DDX3X: variants seen among roughly 807,000 people sequenced by gnomAD.
DDX3X encodes ATP-dependent RNA helicase DDX3X.
DDX3X carries 4 observed loss-of-function variants against 52.7 expected under a neutral mutation model. The ratio of observed to expected loss-of-function variants is 0.08; its 90% confidence interval spans 0.04 to 0.17. DDX3X has a LOEUF of 0.17. DDX3X is among the 10% of genes least tolerant of loss of function. DDX3X has a pLI of 1.00. For missense variants in DDX3X, 222 were observed against 548.6 expected, an observed-to-expected ratio of 0.40 and a Z score of 5.95; for synonymous variants, 192 against 178.1, an observed-to-expected ratio of 1.08 and a Z score of -0.62.
At position 41,347,468 on chromosome X, in the gene DDX3X, A is replaced by G; in HGVS notation, c.1909+17A>G. 1.7e-6 allele frequency: 2 copies of G among 1,199,194 alleles called. No homozygotes were observed. The highest frequency in any genetic ancestry group is 2.2e-6 in the Non-Finnish European group (2 of 890,086). ...TTGGTGGAGGTAGTGTTAATCTGTA[A>G]CTTCATAGCTTTGGGAAGGGTTTTT... is the stretch of plus-strand genomic sequence containing the variant. On this transcript the variant is annotated intron_variant, in intron 16 of 16. Transcript: ENST00000644876.
Position 41,343,996 on chromosome X carries a change from G to A in DDX3X, c.766-34G>A, listed in dbSNP as rs767359806. 2.5e-5 allele frequency: 28 copies of A among 1,119,627 alleles called. 1 individual carries two copies. The South Asian group carries it at 4.7e-4, about 19-fold the overall frequency. 92.3% of individuals were successfully genotyped at this position (1,119,627 alleles called of 1,213,427 possible). On this transcript the variant is annotated intron_variant, in intron 8 of 16. Coordinates refer to ENST00000644876, the MANE Select transcript of DDX3X (RefSeq NM_001356.5). Reference sequence around the variant, plus strand: ...GTGATGAACTTTTCAAACAGGGTAGGTAGAGTTAACTTAAAAATTAACTTA... The same window carrying A: ...GTGATGAACTTTTCAAACAGGGTAGATAGAGTTAACTTAAAAATTAACTTA...
At chrX:41,344,420 GTTT>G in intron 10 of DDX3X, 21 bp downstream of exon 10, 1 of 1,203,590 alleles carries the variant, frequency 8.3e-7, no homozygotes, top group East Asian at 3.0e-5. Context: ...TTTTGTTTTT[GTTT>G]TTTTGTTTTG....
chrX:41,345,364 T>C, intron 11 of DDX3X, 40 bp downstream of exon 11: 1 of 1,199,716 alleles, frequency 8.3e-7, no homozygotes, highest in Non-Finnish European at 1.1e-6. Flanking sequence ...TTTAGAAATT[T>C]GTTTATCTCA....
chrX:41,343,392 G>A (rs2063877804), intron 7 of DDX3X, 41 bp downstream of exon 7: 3 of 1,136,468 alleles, frequency 2.6e-6, no homozygotes, highest in Non-Finnish European at 3.5e-6. Flanking sequence ...TATTTCTTCT[G>A]TAAAGGACTA....
chrX:41,342,433 AG>A, intron 4 of DDX3X, 61 bp from the exon 5 acceptor site: 3 of 1,146,256 alleles, frequency 2.6e-6, no homozygotes, highest in Middle Eastern at 2.4e-4. Flanking sequence ...GTTCTAGAGT[AG>A]GGATAAGAAT....
chrX:41,347,519 C>T, intron 16 of DDX3X, 68 bp downstream of exon 16: 1 of 1,175,046 alleles, frequency 8.5e-7, no homozygotes, highest in Non-Finnish European at 1.1e-6. Context: ...TTTTTCAAAG[C>T]CTAATTAAAC....
chrX:41,355,648 T>TTC (rs976605009), intron 5 of DDX3X, among the ~76,000 whole-genome samples: 4 of 101,853 alleles, frequency 3.9e-5, no homozygotes, highest in African/African-American at 1.4e-4. Context: ...TCTTTTTCTT[T>TTC]TTTTTTTTTT....
rs2063950709 is a variant in DDX3X at position 41,348,232 on chromosome X, C to CT, written c.*518dup. On this transcript the variant is annotated 3_prime_UTR_variant, in exon 17 of 17. Transcript: ENST00000644876. ...ACTTATGCGGTAGCCTGCATTAGGG[C>CT]TTTTTGATACTTGCAGATTGGGGGA... 1 of 165,423 alleles carries CT rather than the reference C, an allele frequency of 6.0e-6. No individual in the cohort carries two copies. The highest frequency in any genetic ancestry group is 3.0e-5 in the African/African-American group (1 of 33,071). 13.6% of individuals were successfully genotyped at this position (165,423 alleles called of 1,213,427 possible).
chrX:41,347,488 G>T, intron 16 of DDX3X, 37 bp downstream of exon 16: 1 of 1,194,990 alleles, frequency 8.4e-7, no homozygotes, highest in Non-Finnish European at 1.1e-6. Flanking sequence ...TTTGGGAAGG[G>T]TTTTTTTCCT....
At chrX:41,337,637 G>T in intron 2 of DDX3X, 172 bp downstream of exon 2, 2 of 334,348 alleles carry the variant, frequency 6.0e-6, no homozygotes, top group South Asian at 6.7e-5. Context: ...CTAAAGCATC[G>T]TTGCCTTTTT....
In DDX3X at chrX:41,343,197, C is replaced by T. The variant is rs754913084; in HGVS notation, c.544-19C>T. 8 of 1,199,992 alleles carry T rather than the reference C, an allele frequency of 6.7e-6. No individual in the cohort carries two copies. The Admixed American group carries it at 9.3e-5, about 14-fold the overall frequency. Reference sequence around the variant, plus strand: ...ATAGCTCTAGATAGCATTCCTAACCCCATTGAATTTCTTAACAGTTCAGTG... The same window carrying T: ...ATAGCTCTAGATAGCATTCCTAACCTCATTGAATTTCTTAACAGTTCAGTG... On this transcript the variant is annotated intron_variant, in intron 6 of 16. Coordinates refer to ENST00000644876, the MANE Select transcript of DDX3X (RefSeq NM_001356.5).
chrX:41,363,227 C>A (rs1359310140), intron 5 of DDX3X, among the ~76,000 whole-genome samples: 1 of 109,612 alleles, frequency 9.1e-6, no homozygotes, highest in Non-Finnish European at 1.9e-5. Flanking sequence ...GAGTTCAAGA[C>A]CAGCCTGGCC....
In DDX3X at chrX:41,347,820, A is replaced by C. The variant is rs1383054324; in HGVS notation, c.*101A>C. The stretch of plus-strand genomic sequence containing the variant: ...GTGTAGCTTCAAGAACTCGCAGTAC[A>C]TTACCAGCTGTGATTCTCCACTGAA... On this transcript the variant is annotated 3_prime_UTR_variant, in exon 17 of 17. Coordinates refer to ENST00000644876, the MANE Select transcript of DDX3X (RefSeq NM_001356.5). The C allele has an allele frequency of 1.8e-6, 1 of 546,923 alleles. No homozygotes were observed. Among genetic ancestry groups the C allele is most frequent in the Non-Finnish European group, 2.9e-6 (1 of 339,459 alleles). The allele number at this position is 546,923 out of a possible 1,213,427, so 45.1% of individuals were successfully genotyped here. A position where few individuals can be genotyped will look rare whatever the true frequency, so the allele number is the denominator to read the frequency against.
At chrX:41,334,508 G>C (rs933981025) in intron 1 of DDX3X, 21 of 1,095,236 alleles carry the variant, frequency 1.9e-5, no homozygotes, top group Non-Finnish European at 2.3e-5. Flanking sequence ...TATTGTCCCC[G>C]GGACGAGCAC....
chrX:41,335,741 C>G (rs751361479), intron 1 of DDX3X: 38 of 112,133 alleles, frequency 3.4e-4, no homozygotes, highest in African/African-American at 1.0e-3. Flanking sequence ...GAAGCATTTT[C>G]TACCCGTTAA....
rs774816127 is a variant in DDX3X, at chrX:41,341,564, T to C, written c.232T>C (p.Ser78Pro). Residue 78 changes from serine (S) to proline (P), a missense_variant, in exon 4 of 17, where the codon TCA becomes CCA. Around this residue, in one of 5 missense-constraint regions of DDX3X, gnomAD observed 93 missense variants for 123.7 expected, o/e 0.75. Coordinates refer to ENST00000644876, the MANE Select transcript of DDX3X (RefSeq NM_001356.5). ...AYSSFGSRSD[S>P]RGKSSFFSDR... The stretch of plus-strand genomic sequence containing the variant: ...TAGCAGTTTTGGATCTCGTAGTGAT[T>C]CAAGAGGGAAGTCTAGCTTCTTCAG... The C allele has an allele frequency of 8.3e-7, 1 of 1,209,857 alleles. No individual in the cohort carries two copies. The highest frequency in any genetic ancestry group is 3.0e-5 in the East Asian group (1 of 33,848).
In DDX3X at chrX:41,346,852, CTT is replaced by C. The variant is rs751868529; in HGVS notation, c.1616-4_1616-3del. ...TTGTTTATATACTTTTTTGGGAACT[CTT>C]TTAGGCCTGGCAACCTCATTCTTTA... is the stretch of plus-strand genomic sequence containing the variant. On this transcript the variant is annotated splice_region_variant and splice_polypyrimidine_tract_variant and intron_variant, in intron 14 of 16. Transcript: ENST00000644876. 15 of 1,200,380 alleles carry C rather than the reference CTT, an allele frequency of 1.2e-5. 1 individual carries two copies. The highest frequency in any genetic ancestry group is 2.2e-5 in the Admixed American group (1 of 44,670).
intron 3 of DDX3X, chrX:41,340,765 T>C (rs1375638402): frequency 2.7e-5 from 8 of 295,067 alleles, no homozygotes; most frequent in African/African-American, 1.9e-4. Context: ...AATCTGACAG[T>C]CTATGAATGT....
At position 41,349,082 on chromosome X, in the gene DDX3X, A is replaced by G. The variant is rs1013879402; in HGVS notation, c.*1363A>G. ...ATTTTGTGGCCAGAATGCGGTGATC[A>G]AAACGCTCCATCTTTTTACAGTGGC... On this transcript the variant is annotated 3_prime_UTR_variant, in exon 17 of 17. Transcript: ENST00000644876. 23 of 112,310 alleles carry G rather than the reference A, an allele frequency of 2.0e-4. No homozygotes were observed. The highest frequency in any genetic ancestry group is 7.5e-4 in the African/African-American group (23 of 30,846). The allele number at this position is 112,310 out of a possible 1,213,427, so 9.3% of individuals were successfully genotyped here. A position where few individuals can be genotyped will look rare whatever the true frequency, so the allele number is the denominator to read the frequency against.
Sources: allele counts gnomAD v4.1 joint callset (sites outside exome capture counted in the v4.1 genomes callset), GRCh38; gene constraint gnomAD v4.1.1; regional missense constraint gnomAD v4.1.1; transcripts MANE v1.5; gene names NCBI Gene and HGNC (gene_info 2026-07-23, HGNC 2026-07-21).